Variants in TRRAP observed in about 807,000 individuals in gnomAD.
TRRAP encodes the protein transformation/transcription domain associated protein.
Under a neutral mutation model 438.8 loss-of-function variants are expected in TRRAP, and 41 were observed. The observed-to-expected ratio is 0.09, with a 90% CI of 0.07 to 0.12. The LOEUF (loss-of-function observed/expected upper bound fraction) is 0.12, where lower values mean the gene tolerates loss of function less well. TRRAP is among the 10% of genes least tolerant of loss of function. The pLI is 1.00. For missense variants in TRRAP, 3,122 were observed against 5,055.1 expected (o/e 0.62, Z 11.60); for synonymous variants, 1,994 against 1,962.9 (o/e 1.02, Z -0.42).
Position 98,984,346 on chromosome 7 carries a change from C to A in TRRAP, c.9276C>A (p.Asn3092Lys). Residue 3092 changes from asparagine to lysine, a missense_variant, in exon 61 of 73, where the codon AAC becomes AAA. Asn to Lys is a moderately conservative substitution (Grantham distance 94). Around this residue, in one of 24 missense-constraint regions of TRRAP, gnomAD observed 129 missense variants for 279.2 expected, o/e 0.46. Coordinates refer to ENST00000456197, the MANE Select transcript of TRRAP (RefSeq NM_001375524.1). ...YLQLAGVMGK[N>K]ECMQGLEVIE... is the part of the protein sequence containing the mutation. ...AGCTGGCAGGCGTCATGGGCAAAAA[C>A]GAGTGCATGCAGGTGCGGACAGGAC... 6.3e-7 allele frequency: 1 copy of A among 1,584,602 alleles called. No individual in the cohort carries two copies.
intron 18 of TRRAP, 88 bp downstream of exon 18, chr7:98,912,301 T>G (rs1584301424): frequency 6.9e-7 from 1 of 1,441,014 alleles, no homozygotes; most frequent in African/African-American, 1.4e-5. Flanking sequence ...TCCAGGCTGG[T>G]CAGCGTTCTG....
At chr7:98,885,464 A>G (rs901844947) in intron 3 of TRRAP, among the ~76,000 whole-genome samples, 2 of 152,152 alleles carry the variant, frequency 1.3e-5, no homozygotes, top group African/African-American at 4.8e-5. Flanking sequence ...GGTCTTTTGT[A>G]TTAATAAACA....
At position 98,956,550 on chromosome 7, in the gene TRRAP, C is replaced by T. The variant is rs371337459; in HGVS notation, c.6231+17C>T. On this transcript the variant is annotated intron_variant, in intron 43 of 72. Coordinates refer to ENST00000456197, the MANE Select transcript of TRRAP (RefSeq NM_001375524.1). The surrounding 1 kb of genome is among the most constrained non-coding windows in gnomAD (Gnocchi z 4.5). ...ATCAGTGCAGTAAGATCATGTGCCT[C>T]TGTATGGGTGCTGCGCATTCTGCTG... 4 of 1,608,932 alleles carry T rather than the reference C, an allele frequency of 2.5e-6. No homozygotes were observed. Among genetic ancestry groups the T allele is most frequent in the Non-Finnish European group, 3.4e-6 (4 of 1,178,488 alleles).
rs74714572 is a variant in TRRAP at position 98,996,174 on chromosome 7, G to A, written c.10309+1326G>A. Among the ~76,000 whole-genome samples, 216 of 151,394 alleles carry A rather than the reference G, an allele frequency of 1.4e-3. No homozygotes were observed. The East Asian group carries it at 0.035, about 25-fold the overall frequency. The stretch of plus-strand genomic sequence containing the variant: ...ATCCCATTTACACACGCGTGTCCCC[G>A]CGTATGCACTGTGTCCCATCTACAC... On this transcript the variant is annotated intron_variant, in intron 67 of 72. Coordinates refer to ENST00000456197, the MANE Select transcript of TRRAP (RefSeq NM_001375524.1).
intron 52 of TRRAP, 152 bp downstream of exon 52, chr7:98,970,443 A>G: frequency 2.4e-5 from 23 of 966,628 alleles, no homozygotes; most frequent in South Asian, 3.4e-5. Flanking sequence ...GCAGAATCCC[A>G]GAGGAGTGGA....
chr7:98,909,929 CAT>C, intron 14 of TRRAP, 125 bp from the exon 15 acceptor site: 3 of 1,436,306 alleles, frequency 2.1e-6, no homozygotes, highest in African/African-American at 2.8e-5. Context: ...ACACCAACCT[CAT>C]AGAAAAGCAG....
Position 98,983,419 on chromosome 7 carries a change from C to G in TRRAP, c.8982C>G (p.His2994Gln). ...CCATCGTGTCTGACGACTTGTCCCA[C>G]TGGAGCAGCATCTTCATGTGGAGGC... is the stretch of plus-strand genomic sequence containing the variant. ...RLPIVSDDLSHWSSIFMWRQH... is the reference protein window; with the variant it reads ...RLPIVSDDLSQWSSIFMWRQH... Residue 2994 changes from histidine (H) to glutamine (Q), a missense_variant, in exon 60 of 73, where the codon CAC becomes CAG. Physicochemically the swap from His to Gln is conservative, Grantham distance 24. This residue lies in a region of TRRAP where 129 missense variants were observed against 279.2 expected (regional missense o/e 0.46). Coordinates refer to ENST00000456197, the MANE Select transcript of TRRAP (RefSeq NM_001375524.1). 1 of 1,614,228 alleles carries G rather than the reference C, an allele frequency of 6.2e-7. No individual in the cohort carries two copies. Among genetic ancestry groups the G allele is most frequent in the South Asian group, 1.1e-5 (1 of 91,082 alleles).
At position 98,956,405 on chromosome 7, in the gene TRRAP, T is replaced by C. The variant is rs1295205690; in HGVS notation, c.6103T>C (p.Ser2035Pro). 6.2e-7 allele frequency: 1 copy of C among 1,613,786 alleles called. No individual in the cohort carries two copies. Among genetic ancestry groups the C allele is most frequent in the Non-Finnish European group, 8.5e-7 (1 of 1,179,960 alleles). Residue 2035 changes from serine to proline, a missense_variant, in exon 43 of 73, where the codon TCA becomes CCA. Physicochemically the swap from Ser to Pro is moderately conservative, Grantham distance 74. Transcript: ENST00000456197. This position sits in a 1 kb window ranked among gnomAD's most constrained non-coding sequence, Gnocchi z 4.5. ...LQRIKDQQPD[S>P]DMDPNSSGEG... ...GCGCCTGTGTGTTTTTAAGCCGGAT[T>C]CAGATATGGACCCAAATTCCAGTGG...
intron 3 of TRRAP, among the ~76,000 whole-genome samples, chr7:98,889,557 A>T (rs5024342): frequency 0.68 from 96,130 of 141,582 alleles, 35,846 homozygotes; most frequent in South Asian, 0.87. Context: ...TTTTTTTTTA[A>T]AAAAAATAGA....
intron 8 of TRRAP, among the ~76,000 whole-genome samples, chr7:98,898,742 T>G (rs1402109548): frequency 6.6e-6 from 1 of 152,224 alleles, no homozygotes; most frequent in African/African-American, 2.4e-5. Context: ...TAAATATCTT[T>G]GAATAAAACT....
At chr7:98,929,100 G>A (rs1390839202) in intron 23 of TRRAP, among the ~76,000 whole-genome samples, 1 of 151,896 alleles carries the variant, frequency 6.6e-6, no homozygotes, top group Admixed American at 6.6e-5. Flanking sequence ...CACCACGCCC[G>A]GGTAATTTTT....
chr7:98,894,201 A>T (rs782783607), intron 6 of TRRAP, among the ~76,000 whole-genome samples: 15 of 152,220 alleles, frequency 9.9e-5, no homozygotes. Context: ...CTGAAGCCAG[A>T]GCCGGGTTTG....
chr7:98,969,810 G>T (rs958569871), intron 51 of TRRAP, among the ~76,000 whole-genome samples: 27 of 152,200 alleles, frequency 1.8e-4, no homozygotes, highest in Non-Finnish European at 7.3e-5. Context: ...GAGTCTGGGG[G>T]TGAGGTGGGA....
chr7:98,981,603 G>T (rs1409241503), intron 58 of TRRAP, among the ~76,000 whole-genome samples, 166 bp from the exon 59 acceptor site: 1 of 152,296 alleles, frequency 6.6e-6, no homozygotes, highest in East Asian at 1.9e-4. Context: ...AGAAAAGACT[G>T]TGTAAACGCA....
At chr7:98,944,015 A>AC (rs1554416255) in intron 31 of TRRAP, among the ~76,000 whole-genome samples, 2 of 152,210 alleles carry the variant, frequency 1.3e-5, no homozygotes, top group African/African-American at 4.8e-5. Context: ...AGTAAGCAAA[A>AC]CTAAACCAGG....
rs538408023 is a variant in TRRAP at position 98,967,728 on chromosome 7, G to A, written c.7512+30G>A. On this transcript the variant is annotated intron_variant, in intron 51 of 72. Coordinates refer to ENST00000456197, the MANE Select transcript of TRRAP (RefSeq NM_001375524.1). Reference sequence around the variant, plus strand: ...GAAGACTCGGCTCACATCTGTGGCCGGGGGCAGCTGTGGGTTTTCTGAGTT... The same window carrying A: ...GAAGACTCGGCTCACATCTGTGGCCAGGGGCAGCTGTGGGTTTTCTGAGTT... 1,199 of 1,596,360 alleles carry A rather than the reference G, an allele frequency of 7.5e-4. 21 individuals carry two copies. In the South Asian group the frequency reaches 0.012, roughly 17 times the overall value.
At chr7:98,982,159 G>A (rs1264144875) in intron 59 of TRRAP, among the ~76,000 whole-genome samples, 199 bp downstream of exon 59, 1 of 152,190 alleles carries the variant, frequency 6.6e-6, no homozygotes, top group Non-Finnish European at 1.5e-5. Flanking sequence ...CGGTGTTTCT[G>A]CGGGATTGAA....
In TRRAP at chr7:99,005,022, C is replaced by T. The variant is rs1794097609; in HGVS notation, c.10536-109C>T. 9.1e-7 allele frequency: 1 copy of T among 1,099,248 alleles called. No individual in the cohort carries two copies. Among genetic ancestry groups the T allele is most frequent in the Non-Finnish European group, 1.4e-6 (1 of 736,548 alleles). 68.1% of individuals were successfully genotyped at this position (1,099,248 alleles called of 1,614,324 possible). ...AATAAATTGATAAACGACCGCTGGC[C>T]TACACAGTCCGTTTTCCCGTGACAG... On this transcript the variant is annotated intron_variant, in intron 68 of 72. Coordinates refer to ENST00000456197, the MANE Select transcript of TRRAP (RefSeq NM_001375524.1). This position sits in a 1 kb window ranked among gnomAD's most constrained non-coding sequence, Gnocchi z 5.1.
chr7:98,973,517 A>G (rs1489166697), intron 53 of TRRAP, among the ~76,000 whole-genome samples: 1 of 152,210 alleles, frequency 6.6e-6, no homozygotes, highest in African/African-American at 2.4e-5. Flanking sequence ...AGTTGGTCAC[A>G]GCTGTACACC....
Sources: gnomAD v4.1 joint callset for allele counts (sites outside exome capture counted in the v4.1 genomes callset) on GRCh38, gnomAD v4.1.1 for gene constraint, gnomAD v4.1.1 regional missense constraint, Gnocchi (gnomAD v3.1) non-coding constraint, MANE v1.5 for transcripts, NCBI Gene and HGNC (gene_info 2026-07-23, HGNC 2026-07-21) for gene names.